PRR16: variants seen among roughly 807,000 people sequenced by gnomAD.
PRR16 encodes the protein protein Largen.
A neutral mutation model predicts 18.2 loss-of-function variants in PRR16; 6 were observed. The observed-to-expected ratio is 0.33, with a 90% CI of 0.18 to 0.65. PRR16 has a LOEUF of 0.65. Ranked by LOEUF, PRR16 falls within the 30% of genes least tolerant of loss-of-function variation. PRR16 has a pLI of 0.74. For missense variants in PRR16, 412 were observed against 376.6 expected, an observed-to-expected ratio of 1.09 and a Z score of -0.78; for synonymous variants, 151 against 147.8, an observed-to-expected ratio of 1.02 and a Z score of -0.16.
At chr5:120,712,212 C>T in the PRR16 span, among the ~76,000 whole-genome samples, 3 of 152,042 alleles carry the variant, frequency 2.0e-5, no homozygotes, top group Admixed American at 6.6e-5. Context: ...CTCCTTTGTG[C>T]GTGGTAAGAG....
chr5:120,642,617 A>G (rs1165451860), intron 1 of PRR16, among the ~76,000 whole-genome samples: 1 of 152,130 alleles, frequency 6.6e-6, no homozygotes, highest in African/African-American at 2.4e-5. Flanking sequence ...TCATGCTGCA[A>G]CCATAAATTT....
chr5:120,777,914 A>G, the PRR16 span, among the ~76,000 whole-genome samples: 4 of 152,122 alleles, frequency 2.6e-5, no homozygotes, highest in Non-Finnish European at 1.5e-5. Context: ...TCTGAACCAA[A>G]AATACATTGA....
the PRR16 span, among the ~76,000 whole-genome samples, chr5:120,782,261 T>C: frequency 6.6e-6 from 1 of 152,106 alleles, no homozygotes; most frequent in African/African-American, 2.4e-5. Context: ...GACCAGTGCA[T>C]TTGCACAGGC....
At chr5:120,755,905 G>A in the PRR16 span, among the ~76,000 whole-genome samples, 10 of 152,186 alleles carry the variant, frequency 6.6e-5, no homozygotes, top group East Asian at 1.9e-3. Flanking sequence ...AGTGGGAGGG[G>A]GCTCAAGCAA....
chr5:120,464,680 C>T (rs1275647349), intron 1 of PRR16, 35 bp downstream of exon 1: 4 of 1,504,898 alleles, frequency 2.7e-6, no homozygotes, highest in Non-Finnish European at 3.5e-6. Context: ...GAGTTCGGCA[C>T]CCTTCGACCC....
At chr5:120,704,443 A>G in the PRR16 span, among the ~76,000 whole-genome samples, 8,905 of 152,270 alleles carry the variant, frequency 0.058, 329 homozygotes, top group South Asian at 0.088. Flanking sequence ...CACCAAAGAG[A>G]ACATGATTTT....
At chr5:120,580,076 T>C (rs1299579265) in intron 1 of PRR16, among the ~76,000 whole-genome samples, 1 of 152,196 alleles carries the variant, frequency 6.6e-6, no homozygotes, top group Non-Finnish European at 1.5e-5. Context: ...TTTTGCACAT[T>C]GATTTTGTAT....
intron 1 of PRR16, among the ~76,000 whole-genome samples, chr5:120,568,001 G>T (rs943034339): frequency 6.6e-6 from 1 of 152,124 alleles, no homozygotes; most frequent in African/African-American, 2.4e-5. Flanking sequence ...GCAGTTTCAA[G>T]ATTCATTTCT....
chr5:120,556,357 T>G (rs927962908), intron 1 of PRR16, among the ~76,000 whole-genome samples: 5 of 150,832 alleles, frequency 3.3e-5, no homozygotes, highest in Non-Finnish European at 7.4e-5. Flanking sequence ...CTTTTTGGGG[T>G]GCAGTCTTGC....
At chr5:120,677,033 T>A (rs1580870451) in intron 1 of PRR16, among the ~76,000 whole-genome samples, 1 of 152,218 alleles carries the variant, frequency 6.6e-6, no homozygotes, top group Admixed American at 6.5e-5. Flanking sequence ...GAATTCAATA[T>A]AATTTTACCT....
intron 1 of PRR16, among the ~76,000 whole-genome samples, chr5:120,597,712 G>A (rs1256608178): frequency 1.3e-5 from 2 of 151,816 alleles, no homozygotes; most frequent in East Asian, 3.9e-4. Context: ...TAACTATAGT[G>A]TCTGGATATT....
intron 1 of PRR16, among the ~76,000 whole-genome samples, chr5:120,657,202 T>A (rs932943287): frequency 6.6e-6 from 1 of 151,948 alleles, no homozygotes; most frequent in Non-Finnish European, 1.5e-5. Context: ...TTTTGGTGTT[T>A]AAGGGAGACA....
intron 1 of PRR16, among the ~76,000 whole-genome samples, chr5:120,684,530 G>A (rs1423094501): frequency 1.3e-5 from 2 of 152,190 alleles, no homozygotes; most frequent in Non-Finnish European, 2.9e-5. Context: ...TGAAGGAACT[G>A]TCTCCTTACA....
At chr5:120,652,812 ATAT>A (rs1474992231) in intron 1 of PRR16, among the ~76,000 whole-genome samples, 2 of 151,896 alleles carry the variant, frequency 1.3e-5, no homozygotes, top group African/African-American at 4.8e-5. Context: ...GATAATAATA[ATAT>A]TAATATATTT....
the PRR16 span, among the ~76,000 whole-genome samples, chr5:120,738,244 C>T: frequency 6.6e-6 from 1 of 151,962 alleles, no homozygotes; most frequent in Non-Finnish European, 1.5e-5. Context: ...TCTATGGGGG[C>T]TCGTGGGTAT....
chr5:120,587,893 A>G (rs544951720), intron 1 of PRR16, among the ~76,000 whole-genome samples: 1 of 152,342 alleles, frequency 6.6e-6, no homozygotes, highest in South Asian at 2.1e-4. Flanking sequence ...AAGTAAATTA[A>G]AAACATTTTG....
intron 1 of PRR16, among the ~76,000 whole-genome samples, chr5:120,537,409 T>C (rs1257377670): frequency 2.0e-5 from 3 of 152,186 alleles, no homozygotes; most frequent in Non-Finnish European, 2.9e-5. Context: ...TTTGCCACCA[T>C]ATAAAATTCC....
chr5:120,732,524 G>A, the PRR16 span, among the ~76,000 whole-genome samples: 852 of 152,192 alleles, frequency 5.6e-3, 13 homozygotes, highest in African/African-American at 0.019. Context: ...TGCAAGTGTT[G>A]GAAGCATATA....
At chr5:120,548,273 T>C (rs1752135926) in intron 1 of PRR16, among the ~76,000 whole-genome samples, 1 of 152,136 alleles carries the variant, frequency 6.6e-6, no homozygotes, top group Non-Finnish European at 1.5e-5. Flanking sequence ...CTTGCTTACC[T>C]GAGCACATGC....
Sources: allele counts gnomAD v4.1 joint callset (sites outside exome capture counted in the v4.1 genomes callset), GRCh38; gene constraint gnomAD v4.1.1; transcripts MANE v1.5; gene names NCBI Gene and HGNC (gene_info 2026-07-23, HGNC 2026-07-21).